XPO6: variants seen among roughly 807,000 people sequenced by gnomAD.
XPO6 encodes the protein exportin-6.
A neutral mutation model predicts 130.0 loss-of-function variants in XPO6; 3 were observed. The ratio of observed to expected loss-of-function variants is 0.02; its 90% CI spans 0.01 to 0.06. The LOEUF (loss-of-function observed/expected upper bound fraction) is 0.06, where lower values mean the gene tolerates loss of function less well. Among genes scored for constraint, XPO6 ranks in the 10% least tolerant of loss-of-function variants. XPO6 has a pLI of 1.00. For missense variants in XPO6, 970 were observed against 1,393.0 expected, an observed-to-expected ratio of 0.70 and a Z score of 4.83; for synonymous variants, 524 against 548.9, an observed-to-expected ratio of 0.95 and a Z score of 0.63.
At chr16:28,174,463 A>G (rs2043503822) in intron 4 of XPO6, among the ~76,000 whole-genome samples, 1 of 152,186 alleles carries the variant, frequency 6.6e-6, no homozygotes, top group Admixed American at 6.5e-5. Flanking sequence ...CCCTGAGATC[A>G]TAAATTCCAG....
At chr16:28,112,879 C>CT in intron 16 of XPO6, 25 bp downstream of exon 16, 1 of 1,606,686 alleles carries the variant, frequency 6.2e-7, no homozygotes, top group Middle Eastern at 1.7e-4. Flanking sequence ...GCCCTGGGGA[C>CT]CCCGGGGGAG....
chr16:28,197,851 G>A (rs1248689282), intron 1 of XPO6, among the ~76,000 whole-genome samples: 2 of 147,224 alleles, frequency 1.4e-5, no homozygotes, highest in African/African-American at 2.5e-5. Context: ...CCCGGGAGGC[G>A]GAGGTTACAG....
chr16:28,151,655 T>C (rs1012265799), intron 8 of XPO6, among the ~76,000 whole-genome samples: 57 of 152,150 alleles, frequency 3.7e-4, no homozygotes, highest in African/African-American at 1.3e-3. Context: ...ATATGTCAAT[T>C]TGGGGAAAAC....
At chr16:28,166,345 G>A (rs2043355309) in intron 6 of XPO6, among the ~76,000 whole-genome samples, 163 bp downstream of exon 6, 1 of 152,080 alleles carries the variant, frequency 6.6e-6, no homozygotes, top group South Asian at 2.1e-4. Context: ...TAAAAACAGA[G>A]ATAGAGTCTC....
intron 6 of XPO6, among the ~76,000 whole-genome samples, chr16:28,157,038 AAAACTTT>A (rs2043194709): frequency 6.6e-6 from 1 of 152,240 alleles, no homozygotes; most frequent in African/African-American, 2.4e-5. Flanking sequence ...AACCAAAGAT[AAAACTTT>A]AAAGTTAACA....
At position 28,176,065 on chromosome 16, in the gene XPO6, G is replaced by A; in HGVS notation, c.238C>T (p.Pro80Ser). 6.2e-7 allele frequency: 1 copy of A among 1,614,100 alleles called. No individual in the cohort carries two copies. The highest frequency in any genetic ancestry group is 2.2e-5 in the East Asian group (1 of 44,874). ...NLINKMWLGV[P>S]SQDKMEIRSC... The stretch of plus-strand genomic sequence containing the variant: ...CGGATTTCCATCTTATCCTGAGATG[G>A]GACCCCAAGCCACATTTTATTGATC... The change falls in exon 4 of 24, where the codon CCA becomes TCA. Residue 80 changes from proline to serine, a missense_variant. By Grantham distance (74) the Pro-to-Ser change is moderately conservative. Transcript: ENST00000304658.
At chr16:28,112,568 C>T (rs549581533) in intron 16 of XPO6, among the ~76,000 whole-genome samples, 2 of 152,344 alleles carry the variant, frequency 1.3e-5, no homozygotes, top group East Asian at 3.9e-4. Context: ...ACACACAGAA[C>T]AGTGACAACA....
intron 8 of XPO6, among the ~76,000 whole-genome samples, chr16:28,152,365 A>G (rs968487099): frequency 6.6e-6 from 1 of 152,236 alleles, no homozygotes; most frequent in African/African-American, 2.4e-5. Flanking sequence ...TTCACATAAT[A>G]GTGGTCAAGA....
chr16:28,190,557 A>G (rs772610860), intron 1 of XPO6, among the ~76,000 whole-genome samples: 91 of 152,124 alleles, frequency 6.0e-4, no homozygotes, highest in Admixed American at 2.0e-3. Context: ...AAATCTAAAG[A>G]CTAAAGAGCA....
chr16:28,117,517 GT>G, intron 14 of XPO6, 55 bp from the exon 15 acceptor site: 1 of 1,580,206 alleles, frequency 6.3e-7, no homozygotes, highest in Non-Finnish European at 8.7e-7. Context: ...ATATATTAGC[GT>G]TCAACTCATT....
chr16:28,179,705 C>G (rs368878147), intron 2 of XPO6, among the ~76,000 whole-genome samples: 14 of 152,334 alleles, frequency 9.2e-5, no homozygotes, highest in African/African-American at 3.4e-4. Context: ...TCTGACCAAA[C>G]TAGGAAAAGC....
At chr16:28,192,131 C>T (rs978899651) in intron 1 of XPO6, among the ~76,000 whole-genome samples, 1 of 151,760 alleles carries the variant, frequency 6.6e-6, no homozygotes. Context: ...GTGGTGGTGG[C>T]GGACACCTGT....
chr16:28,132,026 C>T lies in XPO6; in HGVS notation c.1606+308G>A, dbSNP rs1446777211. 6.6e-6 allele frequency among the ~76,000 whole-genome samples: 1 copy of T among 152,180 alleles called. No individual in the cohort carries two copies. The highest frequency in any genetic ancestry group is 2.4e-5 in the African/African-American group (1 of 41,434). On this transcript the variant is annotated intron_variant, in intron 12 of 23. Coordinates refer to ENST00000304658, the MANE Select transcript of XPO6 (RefSeq NM_015171.4). The surrounding 1 kb of genome is among the most constrained non-coding windows in gnomAD (Gnocchi z 4.0). ...ACAAGGCCATGTTCTCCCTAGTACA[C>T]CTGCTGGTTGAAAGGACATAAGGAA...
chr16:28,162,450 A>C (rs912578410), intron 6 of XPO6, among the ~76,000 whole-genome samples: 1 of 152,222 alleles, frequency 6.6e-6, no homozygotes, highest in African/African-American at 2.4e-5. Context: ...GCTTGATTAC[A>C]AAACCTGTGA....
At chr16:28,112,140 G>A in intron 16 of XPO6, 134 bp from the exon 17 acceptor site, 1 of 1,023,118 alleles carries the variant, frequency 9.8e-7, no homozygotes, top group South Asian at 1.7e-5. Context: ...TTGCAACCTG[G>A]GCAAGGCCTT....
At chr16:28,107,925 G>A (rs772005968) in intron 17 of XPO6, among the ~76,000 whole-genome samples, 3 of 152,126 alleles carry the variant, frequency 2.0e-5, no homozygotes, top group Non-Finnish European at 4.4e-5. Context: ...ATGCCTGCCT[G>A]CCTGCTTGCT....
intron 12 of XPO6, 84 bp from the exon 13 acceptor site, chr16:28,125,932 C>A: frequency 3.3e-6 from 5 of 1,513,308 alleles, no homozygotes; most frequent in Non-Finnish European, 3.6e-6. Context: ...GCAAGCCACA[C>A]ACAGCAAAAC....
chr16:28,118,987 A>T (rs1162092910), intron 14 of XPO6, among the ~76,000 whole-genome samples: 1 of 152,158 alleles, frequency 6.6e-6, no homozygotes, highest in Non-Finnish European at 1.5e-5. Flanking sequence ...CAGCAGACAG[A>T]ATTAGGATAT....
At chr16:28,200,049 G>A (rs768816475) in intron 1 of XPO6, among the ~76,000 whole-genome samples, 1 of 151,844 alleles carries the variant, frequency 6.6e-6, no homozygotes, top group Admixed American at 6.5e-5. Flanking sequence ...CCATCTACTC[G>A]GGAGGCTGAG....
Sources: allele counts gnomAD v4.1 joint callset (sites outside exome capture counted in the v4.1 genomes callset), GRCh38; gene constraint gnomAD v4.1.1; non-coding constraint Gnocchi (gnomAD v3.1); transcripts MANE v1.5; gene names NCBI Gene and HGNC (gene_info 2026-07-23, HGNC 2026-07-21).